Variants in SF3B2 observed in about 807,000 individuals in gnomAD.
The protein encoded by SF3B2 is splicing factor 3b subunit 2, also known as SAP 145.
A neutral mutation model predicts 116.3 loss-of-function variants in SF3B2; 22 were observed. The ratio of observed to expected loss-of-function variants is 0.19; its 90% CI spans 0.14 to 0.27. The LOEUF is 0.27. Among genes scored for constraint, SF3B2 ranks in the 10% least tolerant of loss-of-function variants. SF3B2 has a pLI of 1.00. For synonymous variants in SF3B2, 406 were observed against 421.6 expected (o/e 0.96, Z 0.45); for missense variants, 767 against 1,151.4 (o/e 0.67, Z 4.83).
Position 66,068,213 on chromosome 11 carries a change from G to A in SF3B2, c.2496G>A (p.Glu832=). 2 of 1,614,242 alleles carry A rather than the reference G, an allele frequency of 1.2e-6. No individual in the cohort carries two copies. The highest frequency in any genetic ancestry group is 1.7e-6 in the Non-Finnish European group (2 of 1,180,046). The change falls in exon 21 of 22, where the codon GAG becomes GAA. Residue 832 remains glutamate (E), a synonymous_variant. Coordinates refer to ENST00000322535, the MANE Select transcript of SF3B2 (RefSeq NM_006842.3). The part of the protein sequence containing the change: ...QGVEVALAPE[E]LELDPMAMTQ... ...TGGAAGTGGCGCTGGCGCCTGAAGA[G>A]TTGGAGCTGGATCCTATGGCCATGA... is the stretch of plus-strand genomic sequence containing the variant.
Position 66,061,914 on chromosome 11 carries a change from A to G in SF3B2, c.1893A>G (p.Pro631=), listed in dbSNP as rs754388142. Residue 631 remains proline, a synonymous_variant, in exon 16 of 22, where the codon CCA becomes CCG. Coordinates refer to ENST00000322535, the MANE Select transcript of SF3B2 (RefSeq NM_006842.3). Reference sequence around the variant, plus strand: ...AGAATGCCCACAAGGTCCCTCCCCCATGGCTGATTGCCATGCAGCGATATG... The same window carrying G: ...AGAATGCCCACAAGGTCCCTCCCCCGTGGCTGATTGCCATGCAGCGATATG... The part of the protein sequence containing the change: ...VGPNAHKVPP[P]WLIAMQRYGP... 10 of 1,613,594 alleles carry G rather than the reference A, an allele frequency of 6.2e-6. No individual in the cohort carries two copies. The highest frequency in any genetic ancestry group is 4.0e-5 in the African/African-American group (3 of 74,882).
Position 66,062,995 on chromosome 11 carries a change from T to C in SF3B2, c.1978-14T>C. 6.3e-7 allele frequency: 1 copy of C among 1,593,634 alleles called. No individual in the cohort carries two copies. Among genetic ancestry groups the C allele is most frequent in the Non-Finnish European group, 8.6e-7 (1 of 1,163,660 alleles). ...CAGCTAAGGAGTGAACTGATTGTGC[T>C]CACTGTCTTGCAGAGCTGTTCCTTT... On this transcript the variant is annotated splice_polypyrimidine_tract_variant and intron_variant, in intron 16 of 21. Coordinates refer to ENST00000322535, the MANE Select transcript of SF3B2 (RefSeq NM_006842.3).
At chr11:66,052,839 C>G in intron 2 of SF3B2, 120 bp downstream of exon 2, 3 of 1,314,822 alleles carry the variant, frequency 2.3e-6, no homozygotes, top group Non-Finnish European at 3.2e-6. Context: ...GAGGCTTGCC[C>G]TTTTTAGCTT....
In SF3B2 at chr11:66,059,636, G is replaced by A. The variant is rs780971724; in HGVS notation, c.1401+41G>A. On this transcript the variant is annotated intron_variant, in intron 12 of 21. Transcript: ENST00000322535. This position sits in a 1 kb window ranked among gnomAD's most constrained non-coding sequence, Gnocchi z 5.0. ...ATCCTGCAGGCCCTGGAGCCCAGCT[G>A]GGAGACCACCTGGGGAGCCAGGGAG... The A allele has an allele frequency of 2.5e-6, 4 of 1,605,360 alleles. No individual in the cohort carries two copies. The highest frequency in any genetic ancestry group is 2.2e-5 in the East Asian group (1 of 44,826).
intron 4 of SF3B2, 40 bp from the exon 5 acceptor site, chr11:66,055,495 T>A: frequency 6.2e-7 from 1 of 1,612,112 alleles, no homozygotes; most frequent in Non-Finnish European, 8.5e-7. Flanking sequence ...ATTGGCGTGT[T>A]GGGTATTGGT....
At chr11:66,063,592 T>C (rs766545071) in intron 18 of SF3B2, 36 bp from the exon 19 acceptor site, 1 of 1,610,418 alleles carries the variant, frequency 6.2e-7, no homozygotes, top group Non-Finnish European at 8.5e-7. Flanking sequence ...TTTGGGGTCC[T>C]TCTCTTTACT....
At position 66,068,345 on chromosome 11, in the gene SF3B2, CA is replaced by C. The variant is rs760358608; in HGVS notation, c.2616+13del. ...CTGCCAAACAGAAGGTAGGCGCTTCCAGGGGCGCTGGGCTGGGTGAGAGCCA... is the reference window on the plus strand; with the variant it reads ...CTGCCAAACAGAAGGTAGGCGCTTCCGGGGCGCTGGGCTGGGTGAGAGCCA... On this transcript the variant is annotated intron_variant, in intron 21 of 21. Transcript: ENST00000322535. The C allele has an allele frequency of 2.1e-5, 33 of 1,593,776 alleles. No individual in the cohort carries two copies. Among genetic ancestry groups the C allele is most frequent in the Admixed American group, 8.9e-5 (5 of 56,226 alleles).
At chr11:66,064,994 T>C (rs1489711477) in intron 19 of SF3B2, 1 of 152,100 alleles carries the variant, frequency 6.6e-6, no homozygotes. Flanking sequence ...TTCTTTGAGA[T>C]GGAATCTTGC....
At chr11:66,063,316 CT>C in intron 17 of SF3B2, 83 bp from the exon 18 acceptor site, 1 of 1,368,624 alleles carries the variant, frequency 7.3e-7, no homozygotes, top group East Asian at 2.4e-5. Flanking sequence ...TGTTTTGACT[CT>C]TACACCCCTT....
In SF3B2 at chr11:66,052,493, G is replaced by A; in HGVS notation, c.109G>A (p.Ala37Thr). The change falls in exon 1 of 22, where the codon GCA becomes ACA. Residue 37 changes from alanine (A) to threonine (T), a missense_variant. Transcript: ENST00000322535. Reference protein sequence around the residue: ...WAAQELQAKLAEIGAPIQGNR... With the variant: ...WAAQELQAKLTEIGAPIQGNR... ...TGCCCAGGAGCTTCAGGCCAAGTTG[G>A]CAGAGATCGGAGCTCCGATCCAGGG... 1 of 1,613,788 alleles carries A rather than the reference G, an allele frequency of 6.2e-7. No individual in the cohort carries two copies. Among genetic ancestry groups the A allele is most frequent in the Non-Finnish European group, 8.5e-7 (1 of 1,179,822 alleles).
Position 66,059,826 on chromosome 11 carries a change from G to A in SF3B2, c.1446G>A (p.Ala482=), listed in dbSNP as rs377200128. The A allele has an allele frequency of 2.7e-5, 44 of 1,614,182 alleles. No homozygotes were observed. Among genetic ancestry groups the A allele is most frequent in the Non-Finnish European group, 3.1e-5 (36 of 1,180,028 alleles). The change falls in exon 13 of 22, where the codon GCG becomes GCA. Residue 482 remains alanine (A), a synonymous_variant. Coordinates refer to ENST00000322535, the MANE Select transcript of SF3B2 (RefSeq NM_006842.3). The surrounding 1 kb of genome is among the most constrained non-coding windows in gnomAD (Gnocchi z 5.0). Reference sequence around the variant, plus strand: ...TCGTGGAGATGCACGATGTGACAGCGCAGGACCCTAAGCTCTTGGTTCACC... The same window carrying A: ...TCGTGGAGATGCACGATGTGACAGCACAGGACCCTAAGCTCTTGGTTCACC... The part of the protein sequence containing the change: ...PDVVEMHDVT[A]QDPKLLVHLK...
chr11:66,058,341 G>C lies in SF3B2; in HGVS notation c.902G>C (p.Arg301Pro). ...QEEEEMETDA[R>P]SSLGQSASET... ...GAAGAGGAAATGGAAACAGATGCTC[G>C]CTCGTCCCTGGGCCAGTCAGCGTCA... The change falls in exon 9 of 22, where the codon CGC becomes CCC. Residue 301 changes from arginine (R) to proline (P), a missense_variant. By Grantham distance (103) the Arg-to-Pro change is moderately radical. Coordinates refer to ENST00000322535, the MANE Select transcript of SF3B2 (RefSeq NM_006842.3). The C allele has an allele frequency of 1.2e-6, 2 of 1,613,988 alleles. No individual in the cohort carries two copies. Among genetic ancestry groups the C allele is most frequent in the Non-Finnish European group, 1.7e-6 (2 of 1,179,994 alleles).
chr11:66,060,530 A>C (rs989406594), intron 13 of SF3B2, 52 bp from the exon 14 acceptor site: 1 of 1,603,866 alleles, frequency 6.2e-7, no homozygotes, highest in Non-Finnish European at 8.5e-7. Flanking sequence ...TGGATTCTCT[A>C]CATGAATTTG....
chr11:66,063,588 G>A, intron 18 of SF3B2, 40 bp from the exon 19 acceptor site: 1 of 1,610,692 alleles, frequency 6.2e-7, no homozygotes, highest in Non-Finnish European at 8.5e-7. Flanking sequence ...TATCTTTGGG[G>A]TCCTTCTCTT....
At position 66,052,687 on chromosome 11, in the gene SF3B2, C is replaced by T; in HGVS notation, c.148C>T (p.Leu50=). ...TTGCCCTGCAGGTAATCGCGAGGAG[C>T]TGGTGGAGCGGCTGCAGAGCTACAC... ...GAPIQGNREE[L]VERLQSYTRQ... Residue 50 remains leucine, a synonymous_variant, in exon 2 of 22, where the codon CTG becomes TTG. Transcript: ENST00000322535. The T allele has an allele frequency of 6.3e-7, 1 of 1,592,802 alleles. No individual in the cohort carries two copies. The highest frequency in any genetic ancestry group is 8.5e-7 in the Non-Finnish European group (1 of 1,170,962).
chr11:66,066,201 C>T (rs907111310), intron 19 of SF3B2: 3 of 152,196 alleles, frequency 2.0e-5, no homozygotes, highest in Non-Finnish European at 4.4e-5. Flanking sequence ...GTATTGTCTG[C>T]TAACTCTAAC....
chr11:66,055,629 T>C, intron 5 of SF3B2, 44 bp downstream of exon 5: 2 of 1,584,378 alleles, frequency 1.3e-6, no homozygotes, highest in Non-Finnish European at 1.7e-6. Flanking sequence ...GTCCAGTCAG[T>C]TGGCTGTCAT....
In SF3B2 at chr11:66,055,661, A is replaced by G. The variant is rs543417793; in HGVS notation, c.549+76A>G. The G allele has an allele frequency of 3.8e-5, 51 of 1,348,398 alleles. 1 individual carries two copies. The South Asian group carries it at 6.0e-4, about 16-fold the overall frequency. The allele number at this position is 1,348,398 out of a possible 1,614,324, so 83.5% of individuals were successfully genotyped here. ...TCATTTATAGTGCTTAGAGTGCACC[A>G]TTCAAGTTTTCCCTGGAGGCTACTT... On this transcript the variant is annotated intron_variant, in intron 5 of 21. Transcript: ENST00000322535.
At chr11:66,062,122 C>T in intron 16 of SF3B2, 124 bp downstream of exon 16, 1 of 744,234 alleles carries the variant, frequency 1.3e-6, no homozygotes, top group Non-Finnish European at 2.2e-6. Flanking sequence ...ATTTTATTGA[C>T]ATAATATTTG....
Sources: gnomAD v4.1 joint callset for allele counts on GRCh38, gnomAD v4.1.1 for gene constraint, Gnocchi (gnomAD v3.1) non-coding constraint, MANE v1.5 for transcripts, NCBI Gene and HGNC (gene_info 2026-07-23, HGNC 2026-07-21) for gene names.